The following NFAT5 variants were observed in gnomAD, a reference collection of about 807,000 sequenced individuals.
NFAT5 encodes nuclear factor of activated T-cells 5.
Under a neutral mutation model 166.5 loss-of-function variants are expected in NFAT5, and 31 were observed. The ratio of observed to expected loss-of-function variants is 0.19; its 90% confidence interval spans 0.14 to 0.25. NFAT5 has a LOEUF of 0.25. Ranked by LOEUF, NFAT5 falls within the 10% of genes least tolerant of loss-of-function variation. The pLI is 1.00. For missense variants in NFAT5, 1,449 were observed against 1,821.8 expected, an observed-to-expected ratio of 0.80 and a Z score of 3.72; for synonymous variants, 612 against 639.7, an observed-to-expected ratio of 0.96 and a Z score of 0.65.
At chr16:69,575,226 G>C (rs928082687) in intron 2 of NFAT5, among the ~76,000 whole-genome samples, 15 of 152,188 alleles carry the variant, frequency 9.9e-5, no homozygotes, top group Admixed American at 7.9e-4. Context: ...AGAGTGCAGT[G>C]GTGCGATCTG....
chr16:69,604,921 A>G (rs1307344500), intron 2 of NFAT5, among the ~76,000 whole-genome samples: 3 of 152,198 alleles, frequency 2.0e-5, no homozygotes, highest in South Asian at 4.1e-4. Flanking sequence ...CATTCTATGG[A>G]TACCACAATT....
At chr16:69,595,670 C>T (rs1411549848) in intron 2 of NFAT5, among the ~76,000 whole-genome samples, 2 of 152,190 alleles carry the variant, frequency 1.3e-5, no homozygotes, top group African/African-American at 4.8e-5. Flanking sequence ...TAGATCTTAG[C>T]AGCCTCAGCA....
At chr16:69,611,036 G>C (rs2033683853) in intron 2 of NFAT5, among the ~76,000 whole-genome samples, 1 of 152,100 alleles carries the variant, frequency 6.6e-6, no homozygotes, top group Admixed American at 6.5e-5. Flanking sequence ...GACAAAATTA[G>C]TTTTTTCTTA....
At chr16:69,597,594 C>CT (rs752838733) in intron 2 of NFAT5, among the ~76,000 whole-genome samples, 1,904 of 138,276 alleles carry the variant, frequency 0.014, 8 homozygotes, top group African/African-American at 0.017. Context: ...CTAATGTTTT[C>CT]TTTTTTTTTT....
intron 2 of NFAT5, among the ~76,000 whole-genome samples, chr16:69,617,403 G>T (rs987192312): frequency 4.6e-5 from 7 of 152,082 alleles, no homozygotes; most frequent in African/African-American, 1.7e-4. Flanking sequence ...AAATAACAAA[G>T]AAATTTAAAA....
At chr16:69,631,230 A>C (rs2034701870) in intron 3 of NFAT5, among the ~76,000 whole-genome samples, 1 of 152,182 alleles carries the variant, frequency 6.6e-6, no homozygotes, top group African/African-American at 2.4e-5. Flanking sequence ...CAGGAGTTCA[A>C]GACCAGCCTG....
At chr16:69,675,111 A>G (rs1359062718) in intron 9 of NFAT5, among the ~76,000 whole-genome samples, 1 of 152,236 alleles carries the variant, frequency 6.6e-6, no homozygotes, top group Non-Finnish European at 1.5e-5. Context: ...TTGAAGAATT[A>G]GTAGCAAAAT....
At chr16:69,677,123 A>G (rs1597528325) in intron 9 of NFAT5, 80 bp from the exon 10 acceptor site, 1 of 1,352,678 alleles carries the variant, frequency 7.4e-7, no homozygotes, top group East Asian at 2.4e-5. Context: ...CTTTACAGCT[A>G]ACAGGAAATA....
intron 2 of NFAT5, among the ~76,000 whole-genome samples, chr16:69,575,925 T>C (rs961843841): frequency 4.6e-5 from 7 of 152,104 alleles, no homozygotes; most frequent in African/African-American, 1.4e-4. Flanking sequence ...CAAGGGCACA[T>C]ATCTCGTGGA....
chr16:69,647,992 T>C lies in NFAT5; in HGVS notation c.812+406T>C, dbSNP rs2035512440. Among the ~76,000 whole-genome samples the C allele has an allele frequency of 6.6e-6, 1 of 151,772 alleles. No individual in the cohort carries two copies. The highest frequency in any genetic ancestry group is 6.6e-5 in the Admixed American group (1 of 15,228). On this transcript the variant is annotated intron_variant, in intron 4 of 14. Transcript: ENST00000349945. This position sits in a 1 kb window ranked among gnomAD's most constrained non-coding sequence, Gnocchi z 4.8. ...TTCGAGACCAGCCTGACCAACATGG[T>C]GAAACCCCATCTCTACTAAAAATAC...
intron 10 of NFAT5, among the ~76,000 whole-genome samples, chr16:69,683,425 A>G (rs369200245): frequency 6.6e-6 from 1 of 151,576 alleles, no homozygotes. Flanking sequence ...CCAGCTACTC[A>G]GGAGGCTGAG....
chr16:69,574,064 T>G, intron 2 of NFAT5, among the ~76,000 whole-genome samples: 1 of 151,874 alleles, frequency 6.6e-6, no homozygotes, highest in East Asian at 1.9e-4. Context: ...AGAGATAGGG[T>G]TTCTCCATGT....
At chr16:69,634,015 T>C (rs556059972) in intron 3 of NFAT5, among the ~76,000 whole-genome samples, 22 of 149,768 alleles carry the variant, frequency 1.5e-4, no homozygotes, top group South Asian at 4.3e-4. Context: ...TAGTGGCTCA[T>C]GTTTGTAATC....
At chr16:69,627,086 T>C (rs927074798) in intron 3 of NFAT5, among the ~76,000 whole-genome samples, 2 of 151,634 alleles carry the variant, frequency 1.3e-5, no homozygotes, top group Admixed American at 6.6e-5. Flanking sequence ...GATGAAAAGG[T>C]ATAGAAAGTA....
intron 3 of NFAT5, among the ~76,000 whole-genome samples, chr16:69,630,657 A>T (rs749298807): frequency 1.3e-4 from 20 of 152,372 alleles, no homozygotes; most frequent in Admixed American, 3.3e-4. Context: ...AATTGATGAC[A>T]CTTTTTGGCA....
chr16:69,582,902 A>G (rs1406728203), intron 2 of NFAT5, among the ~76,000 whole-genome samples: 1 of 151,834 alleles, frequency 6.6e-6, no homozygotes, highest in Non-Finnish European at 1.5e-5. Context: ...TTCTACAAAG[A>G]AGTCAGCTGT....
intron 2 of NFAT5, among the ~76,000 whole-genome samples, chr16:69,569,479 T>C (rs2016308049): frequency 6.6e-6 from 1 of 152,148 alleles, no homozygotes; most frequent in Non-Finnish European, 1.5e-5. Flanking sequence ...TAAGTTTGAC[T>C]TGAGAAGATT....
At chr16:69,598,806 C>T (rs1432061332) in intron 2 of NFAT5, among the ~76,000 whole-genome samples, 4 of 151,930 alleles carry the variant, frequency 2.6e-5, no homozygotes, top group African/African-American at 9.7e-5. Flanking sequence ...GGGTGGGTCA[C>T]CTGAAGTCAG....
intron 11 of NFAT5, among the ~76,000 whole-genome samples, chr16:69,690,325 A>T (rs896022561): frequency 5.9e-5 from 9 of 152,182 alleles, no homozygotes; most frequent in African/African-American, 2.2e-4. Flanking sequence ...TGGGGAAAAA[A>T]AAAAAGATGT....
Sources: gnomAD v4.1 joint callset for allele counts (sites outside exome capture counted in the v4.1 genomes callset) on GRCh38, gnomAD v4.1.1 for gene constraint, Gnocchi (gnomAD v3.1) non-coding constraint, MANE v1.5 for transcripts, NCBI Gene and HGNC (gene_info 2026-07-23, HGNC 2026-07-21) for gene names.